The following UNC5D variants were observed in gnomAD, a reference collection of about 807,000 sequenced individuals.
The protein encoded by UNC5D is netrin receptor UNC5D.
Under a neutral mutation model 105.4 loss-of-function variants are expected in UNC5D, and 39 were observed. The observed-to-expected ratio is 0.37, with a 90% CI of 0.29 to 0.48. The LOEUF is 0.48. UNC5D is among the 20% of genes least tolerant of loss of function. The probability of loss-of-function intolerance (pLI) is 0.98; values close to 1 mark genes in which losing one functional copy is unlikely to be tolerated. For synonymous variants in UNC5D, 452 were observed against 450.4 expected (o/e 1.00, Z -0.04); for missense variants, 991 against 1,202.4 (o/e 0.82, Z 2.60).
intron 2 of UNC5D, among the ~76,000 whole-genome samples, chr8:35,551,408 A>T (rs1012066160): frequency 6.6e-6 from 1 of 152,214 alleles, no homozygotes; most frequent in Non-Finnish European, 1.5e-5. Flanking sequence ...GAACGAAGCC[A>T]TGTGGGTGGA....
intron 1 of UNC5D, among the ~76,000 whole-genome samples, chr8:35,490,761 C>T (rs1000494155): frequency 6.6e-5 from 10 of 152,096 alleles, no homozygotes; most frequent in African/African-American, 2.2e-4. Context: ...CTGGAAGAGC[C>T]AGTACTGTCA....
intron 1 of UNC5D, chr8:35,525,276 C>A (rs550787337): frequency 1.0e-4 from 163 of 1,612,204 alleles, no homozygotes; most frequent in Non-Finnish European, 1.3e-4. Context: ...AACTATTTTG[C>A]GTACATGGCT....
chr8:35,525,077 G>A, intron 1 of UNC5D: 1 of 1,146,816 alleles, frequency 8.7e-7, no homozygotes, highest in Non-Finnish European at 1.3e-6. Context: ...GAGCCAACAG[G>A]ACATATAGGA....
At chr8:35,321,715 GACAA>G (rs1809757721) in intron 1 of UNC5D, among the ~76,000 whole-genome samples, 1 of 152,156 alleles carries the variant, frequency 6.6e-6, no homozygotes, top group Admixed American at 6.6e-5. Context: ...CTGAAAACAG[GACAA>G]ACAAACTATA....
At chr8:35,484,743 G>A (rs571884030) in intron 1 of UNC5D, among the ~76,000 whole-genome samples, 1 of 152,226 alleles carries the variant, frequency 6.6e-6, no homozygotes, top group South Asian at 2.1e-4. Flanking sequence ...AATCTAAAAT[G>A]AATTGAATGC....
chr8:35,733,134 G>A (rs1188286399), intron 11 of UNC5D, among the ~76,000 whole-genome samples: 3 of 151,968 alleles, frequency 2.0e-5, no homozygotes, highest in Non-Finnish European at 2.9e-5. Context: ...TTTTCAGGTA[G>A]CTGAAACCTT....
intron 1 of UNC5D, among the ~76,000 whole-genome samples, chr8:35,404,217 G>A (rs1585763396): frequency 6.6e-6 from 1 of 152,200 alleles, no homozygotes; most frequent in African/African-American, 2.4e-5. Flanking sequence ...GGCTGGAAGA[G>A]GAGTTTGCCC....
chr8:35,783,946 G>T (rs1200074993), intron 16 of UNC5D, among the ~76,000 whole-genome samples: 1 of 152,102 alleles, frequency 6.6e-6, no homozygotes, highest in Admixed American at 6.5e-5. Context: ...TTTTAACAAG[G>T]TTATTAGTTT....
At chr8:35,316,612 G>A (rs1209081331) in intron 1 of UNC5D, among the ~76,000 whole-genome samples, 4 of 152,156 alleles carry the variant, frequency 2.6e-5, no homozygotes, top group African/African-American at 7.2e-5. Context: ...ATGGAAGGGG[G>A]ATTTTGTTAT....
intron 4 of UNC5D, among the ~76,000 whole-genome samples, chr8:35,623,299 T>C (rs1052019359): frequency 6.6e-6 from 1 of 152,158 alleles, no homozygotes. Flanking sequence ...GTTCCCCTTA[T>C]TACTTTCTTT....
intron 1 of UNC5D, among the ~76,000 whole-genome samples, chr8:35,470,023 T>C (rs1387974864): frequency 6.6e-6 from 1 of 152,186 alleles, no homozygotes; most frequent in African/African-American, 2.4e-5. Context: ...GCTGGACAAA[T>C]CACTGGTCTC....
At chr8:35,713,819 T>C (rs1008085811) in intron 8 of UNC5D, among the ~76,000 whole-genome samples, 3 of 152,130 alleles carry the variant, frequency 2.0e-5, no homozygotes, top group Non-Finnish European at 4.4e-5. Flanking sequence ...AAGTACATGG[T>C]CTACTTGAAA....
intron 4 of UNC5D, among the ~76,000 whole-genome samples, chr8:35,628,244 G>A (rs553233999): frequency 3.3e-5 from 5 of 151,950 alleles, no homozygotes; most frequent in South Asian, 4.2e-4. Context: ...ACTGATTCTC[G>A]TGCCTCAGCT....
intron 10 of UNC5D, among the ~76,000 whole-genome samples, chr8:35,728,521 G>T (rs762142795): frequency 6.6e-6 from 1 of 152,232 alleles, no homozygotes; most frequent in Non-Finnish European, 1.5e-5. Flanking sequence ...CTGACAAGGA[G>T]TGTTGGACAA....
chr8:35,784,441 C>T (rs1320485817), intron 16 of UNC5D, among the ~76,000 whole-genome samples: 2 of 151,970 alleles, frequency 1.3e-5, no homozygotes, highest in African/African-American at 4.8e-5. Context: ...AAGTAAATTC[C>T]TAAAATTTAG....
At chr8:35,341,149 G>A (rs1811427337) in intron 1 of UNC5D, among the ~76,000 whole-genome samples, 2 of 152,068 alleles carry the variant, frequency 1.3e-5, no homozygotes, top group South Asian at 2.1e-4. Context: ...AATACTCAGA[G>A]CAAAATCTCT....
At chr8:35,722,777 G>A (rs1350686240) in intron 9 of UNC5D, among the ~76,000 whole-genome samples, 1 of 152,162 alleles carries the variant, frequency 6.6e-6, no homozygotes, top group South Asian at 2.1e-4. Context: ...CTATATTACA[G>A]CCTCCCAGGT....
chr8:35,309,064 A>G (rs1289324988), intron 1 of UNC5D, among the ~76,000 whole-genome samples: 1 of 152,138 alleles, frequency 6.6e-6, no homozygotes, highest in Non-Finnish European at 1.5e-5. Flanking sequence ...TGTTTTCCAT[A>G]AAAACACTGG....
chr8:35,340,884 C>G (rs1811411610), intron 1 of UNC5D, among the ~76,000 whole-genome samples: 1 of 152,136 alleles, frequency 6.6e-6, no homozygotes, highest in South Asian at 2.1e-4. Context: ...TTCTGACATT[C>G]ACTTACCTGA....
Sources: allele counts gnomAD v4.1 joint callset (sites outside exome capture counted in the v4.1 genomes callset), GRCh38; gene constraint gnomAD v4.1.1; transcripts MANE v1.5; gene names NCBI Gene and HGNC (gene_info 2026-07-23, HGNC 2026-07-21).